Variants in FBXW10B observed in about 807,000 individuals in gnomAD.
FBXW10B encodes F-box and WD repeat domain containing protein 10B.
chr17:15,608,958 C>T, the FBXW10B span, among the ~76,000 whole-genome samples: 1 of 151,484 alleles, frequency 6.6e-6, no homozygotes, highest in African/African-American at 2.4e-5. Context: ...TCCTTCCTGC[C>T]TGCCTGCCTT....
the FBXW10B span, chr17:15,618,959 C>A: frequency 2.6e-5 from 42 of 1,589,250 alleles, no homozygotes; most frequent in Admixed American, 3.6e-5. Flanking sequence ...TGAAGCCTTG[C>A]CTTCTGGTCT....
the FBXW10B span, chr17:15,574,324 C>T: frequency 2.0e-6 from 1 of 493,306 alleles, no homozygotes; most frequent in Non-Finnish European, 3.5e-6. Flanking sequence ...TTAAATTCAT[C>T]CTAAAACTTC....
At chr17:15,593,042 G>T in the FBXW10B span, among the ~76,000 whole-genome samples, 41 of 141,638 alleles carry the variant, frequency 2.9e-4, no homozygotes, top group African/African-American at 1.1e-3. Context: ...GGCGGAGGTT[G>T]CAGTGAGCCG....
the FBXW10B span, chr17:15,598,605 G>A: frequency 2.5e-6 from 4 of 1,613,286 alleles, no homozygotes; most frequent in Non-Finnish European, 3.4e-6. Flanking sequence ...TAGTCCCCTG[G>A]TGACCACCGA....
chr17:15,619,476 A>C, the FBXW10B span: 1 of 1,613,598 alleles, frequency 6.2e-7, no homozygotes, highest in Non-Finnish European at 8.5e-7. Flanking sequence ...CAACGAAAAT[A>C]GGGGGCATTC....
the FBXW10B span, among the ~76,000 whole-genome samples, chr17:15,575,092 G>GGGCC: frequency 7.1e-6 from 1 of 141,248 alleles, no homozygotes; most frequent in Admixed American, 7.0e-5. Context: ...AAGAGGAGGG[G>GGGCC]ACAGCAGGAG....
At chr17:15,592,511 C>T in the FBXW10B span, among the ~76,000 whole-genome samples, 2 of 151,932 alleles carry the variant, frequency 1.3e-5, no homozygotes, top group African/African-American at 4.8e-5. Flanking sequence ...TATAATAGCA[C>T]CCTGAGTCTA....
At chr17:15,604,200 G>T in the FBXW10B span, among the ~76,000 whole-genome samples, 1 of 151,618 alleles carries the variant, frequency 6.6e-6, no homozygotes, top group South Asian at 2.1e-4. Context: ...GTTAATTACT[G>T]CCACCTGCAT....
chr17:15,616,805 C>CT, the FBXW10B span, among the ~76,000 whole-genome samples: 1 of 115,136 alleles, frequency 8.7e-6, no homozygotes, highest in African/African-American at 3.8e-5. Context: ...GAGTGAGACT[C>CT]TGTCTCAAAA....
the FBXW10B span, chr17:15,619,544 G>A: frequency 6.3e-7 from 1 of 1,598,002 alleles, no homozygotes; most frequent in Non-Finnish European, 8.5e-7. Context: ...TTTTAGCCCT[G>A]CGCACTTGCA....
the FBXW10B span, among the ~76,000 whole-genome samples, chr17:15,586,518 T>G: frequency 7.2e-5 from 11 of 151,800 alleles, no homozygotes; most frequent in Non-Finnish European, 1.3e-4. Flanking sequence ...GAGTTTATTT[T>G]GGTACAAAAA....
the FBXW10B span, among the ~76,000 whole-genome samples, chr17:15,611,517 C>G: frequency 6.6e-6 from 1 of 152,168 alleles, no homozygotes; most frequent in Non-Finnish European, 1.5e-5. Flanking sequence ...GCTGGCCCTT[C>G]AGATGCAGGT....
the FBXW10B span, among the ~76,000 whole-genome samples, chr17:15,615,398 T>C: frequency 1.4e-5 from 2 of 141,108 alleles, no homozygotes; most frequent in Admixed American, 1.5e-4. Context: ...CTCGGCTCAC[T>C]GCAAGCTCTG....
the FBXW10B span, among the ~76,000 whole-genome samples, chr17:15,587,777 T>C: frequency 1.2e-4 from 18 of 151,912 alleles, no homozygotes. Flanking sequence ...CTCTAGGGAG[T>C]TGGCTGTTTT....
At chr17:15,599,672 T>G in the FBXW10B span, among the ~76,000 whole-genome samples, 1 of 151,316 alleles carries the variant, frequency 6.6e-6, no homozygotes, top group Non-Finnish European at 1.5e-5. Context: ...ATCTAAGAGA[T>G]AGATGGGAGC....
the FBXW10B span, among the ~76,000 whole-genome samples, chr17:15,604,727 C>T: frequency 2.6e-5 from 4 of 152,092 alleles, no homozygotes; most frequent in African/African-American, 4.8e-5. Flanking sequence ...TTAGTAGAGA[C>T]GGGGTTTCAC....
At chr17:15,597,301 A>G in the FBXW10B span, among the ~76,000 whole-genome samples, 3 of 139,090 alleles carry the variant, frequency 2.2e-5, no homozygotes, top group East Asian at 2.2e-4. Context: ...TGGGGATGAG[A>G]GTGGGTGGGT....
the FBXW10B span, chr17:15,615,687 C>T: frequency 6.2e-7 from 1 of 1,613,650 alleles, no homozygotes; most frequent in Non-Finnish European, 8.5e-7. Context: ...TTTTCTGGGG[C>T]TTTGGACAAA....
chr17:15,612,629 G>A, the FBXW10B span: 1 of 1,601,936 alleles, frequency 6.2e-7, no homozygotes, highest in Non-Finnish European at 8.5e-7. Flanking sequence ...GGCTGAGTCT[G>A]GACCTCAGCC....
Sources: allele counts gnomAD v4.1 joint callset (sites outside exome capture counted in the v4.1 genomes callset), GRCh38; gene constraint gnomAD v4.1.1; transcripts MANE v1.5; gene names NCBI Gene and HGNC (gene_info 2026-07-23, HGNC 2026-07-21).